NTM: variants seen among roughly 807,000 people sequenced by gnomAD.
NTM encodes the protein IgLON family member 2.
A neutral mutation model predicts 42.1 loss-of-function variants in NTM; 13 were observed. The ratio of observed to expected loss-of-function variants is 0.31; its 90% CI spans 0.20 to 0.49. NTM has a LOEUF of 0.49. Ranked by LOEUF, NTM falls within the 20% of genes least tolerant of loss-of-function variation. The pLI is 0.99. For missense variants in NTM, 373 were observed against 452.8 expected, an observed-to-expected ratio of 0.82 and a Z score of 1.60; for synonymous variants, 187 against 179.2, an observed-to-expected ratio of 1.04 and a Z score of -0.35.
chr11:132,123,216 T>C (rs915126094), intron 2 of NTM, among the ~76,000 whole-genome samples: 3 of 152,126 alleles, frequency 2.0e-5, no homozygotes, highest in South Asian at 4.1e-4. Context: ...TGTCATCAAA[T>C]TTTACAGCTT....
rs1592190082 is a variant in NTM at position 131,602,666 on chromosome 11, T to C, written c.82+231778T>C. On this transcript the variant is annotated intron_variant, in intron 1 of 8. Transcript: ENST00000683400. ...CTTCAGCCCAAACATCTCTGAGTTC[T>C]AGACTCACACATCCATCTGTCTACT... 2.0e-5 allele frequency among the ~76,000 whole-genome samples: 3 copies of C among 152,358 alleles called. No homozygotes were observed. In the Middle Eastern group the frequency reaches 0.01, roughly 518 times the overall value.
chr11:131,605,281 A>T (rs894829708), intron 1 of NTM, among the ~76,000 whole-genome samples: 3 of 152,202 alleles, frequency 2.0e-5, no homozygotes, highest in Admixed American at 2.0e-4. Context: ...ATTTTGTTAA[A>T]ATTATCCCTG....
intron 1 of NTM, among the ~76,000 whole-genome samples, chr11:131,466,790 C>T (rs1565531606): frequency 6.6e-6 from 1 of 152,160 alleles, no homozygotes; most frequent in Non-Finnish European, 1.5e-5. Flanking sequence ...GGAAAGGAGA[C>T]AGCTTTTTTG....
rs771612377 is a variant in NTM at position 132,307,779 on chromosome 11, A to C, written c.617A>C (p.Asp206Ala). The C allele has an allele frequency of 5.0e-6, 8 of 1,614,152 alleles. No homozygotes were observed. The highest frequency in any genetic ancestry group is 6.8e-6 in the Non-Finnish European group (8 of 1,180,032). The change falls in exon 5 of 9, where the codon GAC (aspartate) becomes GCC (alanine). Residue 206 changes from aspartate to alanine, a missense_variant. Physicochemically the swap from Asp to Ala is moderately radical, Grantham distance 126. Transcript: ENST00000683400. ...SGDYECSASN[D>A]VAAPVVRRVK... ...GACTACGAGTGCAGTGCCTCCAATG[A>C]CGTGGCCGCGCCCGTGGTACGGAGA...
rs114529436 is a variant in NTM at position 131,599,273 on chromosome 11, A to G, written c.82+228385A>G. 2.0e-3 allele frequency among the ~76,000 whole-genome samples: 150 copies of G among 75,644 alleles called. 4 individuals are homozygous for G. Among genetic ancestry groups the G allele is most frequent in the African/African-American group, 0.01 (145 of 14,418 alleles). The allele number at this position is 75,644 out of a possible 152,430, so 49.6% of individuals were successfully genotyped here. A position where few individuals can be genotyped will look rare whatever the true frequency, so the allele number is the denominator to read the frequency against. The stretch of plus-strand genomic sequence containing the variant: ...GCCATGCCCTGTCTACCCAGTCTCC[A>G]GCAGATGCCCTGTCTACCCAGTCTC... On this transcript the variant is annotated intron_variant, in intron 1 of 8. Coordinates refer to ENST00000683400, the MANE Select transcript of NTM (RefSeq NM_001352005.2).
At chr11:132,253,427 A>C (rs570979382) in intron 4 of NTM, among the ~76,000 whole-genome samples, 32 of 145,844 alleles carry the variant, frequency 2.2e-4, no homozygotes, top group Non-Finnish European at 3.3e-4. Context: ...TCATCACACT[A>C]TACCCATTAT....
chr11:132,249,006 G>C (rs554539434), intron 4 of NTM, among the ~76,000 whole-genome samples: 60 of 152,170 alleles, frequency 3.9e-4, no homozygotes, highest in Non-Finnish European at 7.1e-4. Context: ...ATGGATGCTC[G>C]TTCAGCTGCT....
chr11:131,464,149 C>G (rs1375171537), intron 1 of NTM, among the ~76,000 whole-genome samples: 1 of 152,056 alleles, frequency 6.6e-6, no homozygotes, highest in Non-Finnish European at 1.5e-5. Flanking sequence ...GAGCGGTGGA[C>G]GTGGCTGCAG....
intron 1 of NTM, among the ~76,000 whole-genome samples, chr11:131,473,727 C>T (rs991291187): frequency 3.3e-5 from 5 of 152,052 alleles, no homozygotes; most frequent in East Asian, 1.9e-4. Context: ...TCTCCTGTTC[C>T]CTCTGTTTAT....
chr11:131,983,374 C>CT (rs151133606), intron 2 of NTM, among the ~76,000 whole-genome samples: 27,689 of 122,302 alleles, frequency 0.23, 3,870 homozygotes, highest in Non-Finnish European at 0.25. Context: ...AAAATTGTAT[C>CT]TTTTTTTTTT....
intron 1 of NTM, among the ~76,000 whole-genome samples, chr11:131,387,218 G>A (rs535603320): frequency 1.3e-5 from 2 of 152,252 alleles, no homozygotes; most frequent in South Asian, 4.1e-4. Context: ...AAAAGCCAAT[G>A]TTTTTGAAGC....
chr11:131,997,009 A>G (rs1052774271), intron 2 of NTM, among the ~76,000 whole-genome samples: 4 of 152,148 alleles, frequency 2.6e-5, no homozygotes, highest in East Asian at 1.9e-4. Context: ...TCCATGATCA[A>G]TCACTTTATG....
intron 1 of NTM, among the ~76,000 whole-genome samples, chr11:131,709,080 G>A (rs1177490904): frequency 6.6e-6 from 1 of 152,182 alleles, no homozygotes; most frequent in Non-Finnish European, 1.5e-5. Flanking sequence ...TCTCTTTGCA[G>A]ATATGAGCAT....
chr11:131,402,603 C>T (rs962714564), intron 1 of NTM, among the ~76,000 whole-genome samples: 9 of 152,238 alleles, frequency 5.9e-5, no homozygotes, highest in Admixed American at 1.3e-4. Flanking sequence ...TCAGCTCCCT[C>T]GTGCGTGCCC....
intron 2 of NTM, among the ~76,000 whole-genome samples, chr11:131,998,218 A>T (rs2068452977): frequency 6.6e-6 from 1 of 152,160 alleles, no homozygotes; most frequent in South Asian, 2.1e-4. Context: ...GTATATTTTA[A>T]GGGCCCCTGA....
At chr11:131,605,454 T>G (rs1475287867) in intron 1 of NTM, among the ~76,000 whole-genome samples, 1 of 152,238 alleles carries the variant, frequency 6.6e-6, no homozygotes, top group Non-Finnish European at 1.5e-5. Context: ...ACTTTCTTAG[T>G]GGTTTCCTTG....
chr11:131,522,353 C>CAG (rs1565596304), intron 1 of NTM, among the ~76,000 whole-genome samples: 3 of 147,724 alleles, frequency 2.0e-5, no homozygotes, highest in African/African-American at 4.9e-5. Context: ...TGCAGAACAA[C>CAG]AAGAAAAAAA....
rs78307037 is a variant in NTM, at chr11:132,071,011, A to C, written c.168-75271A>C. On this transcript the variant is annotated intron_variant, in intron 2 of 8. Transcript: ENST00000683400. ...GCCAAGTTAACACGTCACACTGACC[A>C]TCACAGGTTGGTTAACACGTCACTC... Among the ~76,000 whole-genome samples, 4 of 125,080 alleles carry C rather than the reference A, an allele frequency of 3.2e-5. 1 individual carries two copies. Among genetic ancestry groups the C allele is most frequent in the African/African-American group, 1.3e-4 (4 of 31,670 alleles). 82.1% of individuals were successfully genotyped at this position (125,080 alleles called of 152,430 possible).
At chr11:131,568,754 C>T (rs573901156) in intron 1 of NTM, among the ~76,000 whole-genome samples, 1 of 152,272 alleles carries the variant, frequency 6.6e-6, no homozygotes, top group Admixed American at 6.5e-5. Context: ...TATGGAGCAC[C>T]AGCACGCATT....
Sources: allele counts gnomAD v4.1 joint callset (sites outside exome capture counted in the v4.1 genomes callset), GRCh38; gene constraint gnomAD v4.1.1; transcripts MANE v1.5; gene names NCBI Gene and HGNC (gene_info 2026-07-23, HGNC 2026-07-21).